KIFC3: variants seen among roughly 807,000 people sequenced by gnomAD.
KIFC3 encodes the protein kinesin family member C3, also known as kinesin-like protein KIFC3.
In KIFC3, 60 loss-of-function variants were observed where a neutral mutation model predicts 101.8. That is an observed-to-expected ratio of 0.59 (90% CI 0.48 to 0.73). The LOEUF (loss-of-function observed/expected upper bound fraction) is 0.73, where lower values mean the gene tolerates loss of function less well. KIFC3 is among the 30% of genes least tolerant of loss of function. The probability of loss-of-function intolerance (pLI) is 0.00; values close to 1 mark genes in which losing one functional copy is unlikely to be tolerated. For missense variants in KIFC3, 966 were observed against 1,137.1 expected (o/e 0.85, Z 2.16); for synonymous variants, 476 against 482.7 (o/e 0.99, Z 0.18).
chr16:57,842,473 C>T (rs560774186), intron 1 of KIFC3, among the ~76,000 whole-genome samples: 4 of 152,306 alleles, frequency 2.6e-5, no homozygotes, highest in African/African-American at 9.6e-5. Flanking sequence ...CACTCAAAAA[C>T]TCACATCCAA....
At chr16:57,854,322 G>A (rs2056120594) in intron 1 of KIFC3, among the ~76,000 whole-genome samples, 1 of 152,104 alleles carries the variant, frequency 6.6e-6, no homozygotes, top group African/African-American at 2.4e-5. Context: ...TAATGATATA[G>A]GTATGTTAAA....
chr16:57,770,076 G>T, intron 7 of KIFC3, 121 bp from the exon 8 acceptor site: 1 of 1,250,142 alleles, frequency 8.0e-7, no homozygotes, highest in Non-Finnish European at 1.1e-6. Flanking sequence ...ACACACATGT[G>T]CACACCCAGA....
chr16:57,770,418 G>T, intron 7 of KIFC3, 109 bp downstream of exon 7: 2 of 1,011,712 alleles, frequency 2.0e-6, no homozygotes, highest in South Asian at 5.0e-5. Flanking sequence ...GGGAGAGGAG[G>T]GACTGGACCC....
intron 19 of KIFC3, 44 bp from the exon 20 acceptor site, chr16:57,758,953 C>A: frequency 6.5e-7 from 1 of 1,547,886 alleles, no homozygotes; most frequent in Non-Finnish European, 8.7e-7. Context: ...ACTTGCCCAC[C>A]GGCAGCCCAC....
intron 1 of KIFC3, among the ~76,000 whole-genome samples, chr16:57,854,133 G>T (rs1446063744): frequency 1.3e-5 from 2 of 151,826 alleles, no homozygotes; most frequent in African/African-American, 4.8e-5. Flanking sequence ...CTAGAAATGG[G>T]GTTTCACCAT....
At chr16:57,829,662 G>A (rs1399229930) in intron 1 of KIFC3, among the ~76,000 whole-genome samples, 1 of 152,186 alleles carries the variant, frequency 6.6e-6, no homozygotes, top group East Asian at 1.9e-4. Context: ...GGTAGACCTT[G>A]AACTCAGATC....
chr16:57,765,370 G>A (rs1231300049), intron 11 of KIFC3, 89 bp downstream of exon 11: 11 of 1,327,860 alleles, frequency 8.3e-6, no homozygotes, highest in Middle Eastern at 2.5e-4. Context: ...CACTCTTAAC[G>A]CTTCTTCCTG....
chr16:57,792,675 A>G (rs1555620811), intron 3 of KIFC3, among the ~76,000 whole-genome samples: 1 of 152,022 alleles, frequency 6.6e-6, no homozygotes, highest in Non-Finnish European at 1.5e-5. Flanking sequence ...CAGAGCCCAC[A>G]AGTTCGGGAC....
At chr16:57,860,655 T>C (rs1408801157) in intron 1 of KIFC3, among the ~76,000 whole-genome samples, 1 of 152,006 alleles carries the variant, frequency 6.6e-6, no homozygotes, top group Non-Finnish European at 1.5e-5. Context: ...TTAGAGACTA[T>C]TACGGAGTAG....
upstream of KIFC3, among the ~76,000 whole-genome samples, chr16:57,805,012 G>A (rs2054901849): frequency 6.6e-6 from 1 of 151,478 alleles, no homozygotes; most frequent in African/African-American, 2.4e-5. Context: ...TATATTTTTG[G>A]TAGAGACAGG....
At chr16:57,826,573 C>T (rs118118634) in intron 1 of KIFC3, among the ~76,000 whole-genome samples, 23 of 152,198 alleles carry the variant, frequency 1.5e-4, no homozygotes, top group Non-Finnish European at 2.6e-4. Context: ...GAGAAACAAA[C>T]AAAACAAAAC....
At chr16:57,771,717 G>A (rs1555608776) in intron 4 of KIFC3, 31 bp from the exon 5 acceptor site, 1 of 1,598,282 alleles carries the variant, frequency 6.3e-7, no homozygotes, top group South Asian at 1.1e-5. Context: ...GGGGGCGCAT[G>A]TGGCGAGGGC....
chr16:57,772,493 C>A (rs2051383549), intron 3 of KIFC3: 1 of 521,626 alleles, frequency 1.9e-6, no homozygotes, highest in African/African-American at 1.9e-5. Context: ...GCCTCCCGCA[C>A]CCTCTCCCTC....
At chr16:57,856,437 G>A (rs1422633518) in intron 1 of KIFC3, among the ~76,000 whole-genome samples, 2 of 141,582 alleles carry the variant, frequency 1.4e-5, no homozygotes, top group African/African-American at 5.1e-5. Flanking sequence ...TTCCAGCCTG[G>A]GTGACAGAGA....
At chr16:57,760,130 T>C (rs912455416) in intron 17 of KIFC3, 152 bp downstream of exon 17, 27 of 907,660 alleles carry the variant, frequency 3.0e-5, no homozygotes, top group Non-Finnish European at 4.4e-5. Flanking sequence ...AAGAGGCTGC[T>C]GGCTGTGGGT....
intron 3 of KIFC3, chr16:57,788,451 A>G (rs2053553909): frequency 2.4e-6 from 2 of 841,772 alleles, no homozygotes; most frequent in Admixed American, 3.7e-5. Flanking sequence ...AGGCAGCTGG[A>G]GTCTGTCTAG....
At chr16:57,804,636 C>A (rs926482020), upstream of KIFC3, among the ~76,000 whole-genome samples, 3 of 152,224 alleles carry the variant, frequency 2.0e-5, no homozygotes, top group Middle Eastern at 3.2e-3. Flanking sequence ...GTTGCCCAGG[C>A]TGGAGTGCAG....
intron 1 of KIFC3, among the ~76,000 whole-genome samples, chr16:57,858,554 G>A (rs1359873804): frequency 2.0e-5 from 3 of 152,056 alleles, no homozygotes; most frequent in African/African-American, 7.2e-5. Flanking sequence ...CTGGAGTTCT[G>A]CTCCAGGTGT....
intron 1 of KIFC3, among the ~76,000 whole-genome samples, chr16:57,825,638 T>A (rs187514525): frequency 2.4e-4 from 36 of 152,310 alleles, no homozygotes; most frequent in Admixed American, 6.5e-4. Context: ...TGGAAAACAA[T>A]TCTGAGGTTG....
Sources: gnomAD v4.1 joint callset for allele counts (sites outside exome capture counted in the v4.1 genomes callset) on GRCh38, gnomAD v4.1.1 for gene constraint, MANE v1.5 for transcripts, NCBI Gene and HGNC (gene_info 2026-07-23, HGNC 2026-07-21) for gene names.